CAND2: variants seen among roughly 807,000 people sequenced by gnomAD.
CAND2 encodes cullin-associated NEDD8-dissociated protein 2.
Under a neutral mutation model 98.9 loss-of-function variants are expected in CAND2, and 62 were observed. The observed-to-expected ratio is 0.63, with a 90% CI of 0.51 to 0.77. CAND2 has a LOEUF of 0.77. Among genes scored for constraint, CAND2 ranks in the 30% least tolerant of loss-of-function variants. The pLI is 0.00. For synonymous variants in CAND2, 770 were observed against 731.9 expected (o/e 1.05, Z -0.84); for missense variants, 1,501 against 1,655.2 (o/e 0.91, Z 1.62).
Position 12,833,744 on chromosome 3 carries a change from T to C in CAND2, c.3484-11T>C. The C allele has an allele frequency of 1.2e-6, 2 of 1,610,186 alleles. No individual in the cohort carries two copies. Among genetic ancestry groups the C allele is most frequent in the Non-Finnish European group, 1.7e-6 (2 of 1,176,544 alleles). On this transcript the variant is annotated splice_polypyrimidine_tract_variant and intron_variant, in intron 14 of 14. Transcript: ENST00000456430. ...ATAAAGGATGGCTGCTTCTGCTGTT[T>C]CCTACTTTAGGTCAAAGCTGGTTCT... is the stretch of plus-strand genomic sequence containing the variant.
In CAND2 at chr3:12,817,303, G is replaced by C; in HGVS notation, c.2371G>C (p.Asp791His). Residue 791 changes from aspartate to histidine, a missense_variant, in exon 10 of 15, where the codon GAT becomes CAT. Physicochemically the swap from Asp to His is moderately conservative, Grantham distance 81. Coordinates refer to ENST00000456430, the MANE Select transcript of CAND2 (RefSeq NM_001162499.2). ...TGCGCCTGTTTATGAGCAGGCTGTG[G>C]ATGGTGGGCCTGGCCTGCACAAGCA... ...LTAPVYEQAV[D>H]GGPGLHKQVF... is the part of the protein sequence containing the mutation. 1 of 1,613,964 alleles carries C rather than the reference G, an allele frequency of 6.2e-7. No individual in the cohort carries two copies. Among genetic ancestry groups the C allele is most frequent in the Non-Finnish European group, 8.5e-7 (1 of 1,180,036 alleles).
intron 10 of CAND2, among the ~76,000 whole-genome samples, chr3:12,819,165 T>A (rs551243886): frequency 1.3e-5 from 2 of 152,348 alleles, no homozygotes; most frequent in East Asian, 3.9e-4. Flanking sequence ...CTTACTCTCT[T>A]GTGCCTGTCT....
intron 13 of CAND2, among the ~76,000 whole-genome samples, chr3:12,830,147 C>T (rs1457753597): frequency 6.6e-6 from 1 of 152,204 alleles, no homozygotes; most frequent in Admixed American, 6.5e-5. Context: ...GTCTGCCTGT[C>T]TCCCCCTCGG....
chr3:12,834,530 G>GT lies in CAND2; in HGVS notation c.*551dup. 1 of 154,858 alleles carries GT rather than the reference G, an allele frequency of 6.5e-6. No individual in the cohort carries two copies. The highest frequency in any genetic ancestry group is 1.4e-5 in the Non-Finnish European group (1 of 69,560). 9.6% of individuals were successfully genotyped at this position (154,858 alleles called of 1,614,324 possible). A position where few individuals can be genotyped will look rare whatever the true frequency, so the allele number is the denominator to read the frequency against. On this transcript the variant is annotated 3_prime_UTR_variant, in exon 15 of 15. Coordinates refer to ENST00000456430, the MANE Select transcript of CAND2 (RefSeq NM_001162499.2). ...ATCAGAAATTTGGAAGATGATACGG[G>GT]TTTCTTTTTTCCAGGGAGGAGGAAT...
At position 12,809,970 on chromosome 3, in the gene CAND2, G is replaced by A. The variant is rs546954010; in HGVS notation, c.492-89G>A. The A allele has an allele frequency of 5.0e-3, 6,764 of 1,359,244 alleles. 17 individuals carry two copies. The highest frequency in any genetic ancestry group is 6.2e-3 in the Non-Finnish European group (6,524 of 1,050,264). The allele number at this position is 1,359,244 out of a possible 1,614,324, so 84.2% of individuals were successfully genotyped here. A position where few individuals can be genotyped will look rare whatever the true frequency, so the allele number is the denominator to read the frequency against. Reference sequence around the variant, plus strand: ...ATTGAGTTGCCATAATCCTGGGAAGGAGGCCGGGAGAGAATGGGGAGAGGG... The same window carrying A: ...ATTGAGTTGCCATAATCCTGGGAAGAAGGCCGGGAGAGAATGGGGAGAGGG... On this transcript the variant is annotated intron_variant, in intron 4 of 14. Transcript: ENST00000456430.
chr3:12,808,299 GA>G lies in CAND2; in HGVS notation c.459del (p.Ala154ProfsTer9). The part of the protein sequence containing the change: ...AQQEDVAVQL[E>X]ALDILSDMLS... ...GCAGGAGGATGTGGCTGTGCAGCTG[GA>G]AGCCCTGGACATCCTCTCTGACATG... On this transcript the variant is annotated frameshift_variant, in exon 4 of 15. Transcript: ENST00000456430. LOFTEE classifies it high-confidence loss of function. 1 of 1,551,502 alleles carries G rather than the reference GA, an allele frequency of 6.4e-7. No individual in the cohort carries two copies. Among genetic ancestry groups the G allele is most frequent in the Non-Finnish European group, 8.7e-7 (1 of 1,146,944 alleles).
chr3:12,831,355 T>G, intron 13 of CAND2, 110 bp from the exon 14 acceptor site: 1 of 816,502 alleles, frequency 1.2e-6, no homozygotes, highest in Non-Finnish European at 2.1e-6. Context: ...CACGGTGGTC[T>G]GAACTTGGGC....
chr3:12,803,482 G>A lies in CAND2; in HGVS notation c.69-6G>A, dbSNP rs373815412. On this transcript the variant is annotated splice_polypyrimidine_tract_variant and splice_region_variant and intron_variant, in intron 1 of 14. Transcript: ENST00000456430. ...CTCAGCAATCTCCTCCACCCTCCCT[G>A]TGCAGGTTCATGGCCACCAGCGACC... 6.2e-7 allele frequency: 1 copy of A among 1,601,906 alleles called. No individual in the cohort carries two copies. The highest frequency in any genetic ancestry group is 1.1e-5 in the South Asian group (1 of 88,328).
rs1257672187 is a variant in CAND2, at chr3:12,813,115, C to T, written c.863+20C>T. The T allele has an allele frequency of 1.9e-6, 3 of 1,568,702 alleles. No individual in the cohort carries two copies. The highest frequency in any genetic ancestry group is 2.6e-6 in the Non-Finnish European group (3 of 1,155,414). Reference sequence around the variant, plus strand: ...GAGGAAGTATGTATGGTGGGGTTGCCTGGGGATCCCTTTGGGAAGTTGGTG... The same window carrying T: ...GAGGAAGTATGTATGGTGGGGTTGCTTGGGGATCCCTTTGGGAAGTTGGTG... On this transcript the variant is annotated intron_variant, in intron 6 of 14. Coordinates refer to ENST00000456430, the MANE Select transcript of CAND2 (RefSeq NM_001162499.2).
At chr3:12,817,914 AG>A in intron 10 of CAND2, 38 bp downstream of exon 10, 1 of 1,473,446 alleles carries the variant, frequency 6.8e-7, no homozygotes. Flanking sequence ...CCCACCTCGG[AG>A]GTGGGCAGTT....
intron 4 of CAND2, 188 bp from the exon 5 acceptor site, chr3:12,809,871 G>A (rs2124843528): frequency 1.5e-6 from 1 of 653,282 alleles, no homozygotes; most frequent in Non-Finnish European, 2.3e-6. Flanking sequence ...TTCTCTCTCC[G>A]CTTTCTCTCA....
At chr3:12,797,989 A>T (rs1248898121) in intron 1 of CAND2, among the ~76,000 whole-genome samples, 2 of 152,018 alleles carry the variant, frequency 1.3e-5, no homozygotes, top group Non-Finnish European at 2.9e-5. Flanking sequence ...TTGGCTTCAG[A>T]TCCCAGCTGC....
At chr3:12,825,195 G>A (rs1207978220) in intron 11 of CAND2, among the ~76,000 whole-genome samples, 2 of 150,086 alleles carry the variant, frequency 1.3e-5, no homozygotes, top group African/African-American at 2.5e-5. Flanking sequence ...GTTCTGTTAC[G>A]ACTCCCATTT....
chr3:12,806,265 G>A (rs1484694877), intron 2 of CAND2, among the ~76,000 whole-genome samples: 2 of 152,216 alleles, frequency 1.3e-5, no homozygotes, highest in African/African-American at 4.8e-5. Context: ...CTATGATCAC[G>A]CCACTGTATT....
Sources: allele counts gnomAD v4.1 joint callset (sites outside exome capture counted in the v4.1 genomes callset), GRCh38; gene constraint gnomAD v4.1.1; transcripts MANE v1.5; gene names NCBI Gene and HGNC (gene_info 2026-07-23, HGNC 2026-07-21).